The following ARHGEF3 variants were observed in gnomAD, a reference collection of about 807,000 sequenced individuals.
ARHGEF3 encodes the protein 59.8 kDA protein.
Under a neutral mutation model 63.2 loss-of-function variants are expected in ARHGEF3, and 28 were observed. The observed-to-expected ratio is 0.44, with a 90% CI of 0.33 to 0.61. The LOEUF (loss-of-function observed/expected upper bound fraction) is 0.61. Ranked by LOEUF, ARHGEF3 falls within the 20% of genes least tolerant of loss-of-function variation. ARHGEF3 has a pLI of 0.03. For missense variants in ARHGEF3, 533 were observed against 659.3 expected, an observed-to-expected ratio of 0.81 and a Z score of 2.10; for synonymous variants, 266 against 254.2, an observed-to-expected ratio of 1.05 and a Z score of -0.44.
At chr3:56,954,460 C>T (rs1699953132) in intron 3 of ARHGEF3, among the ~76,000 whole-genome samples, 1 of 152,136 alleles carries the variant, frequency 6.6e-6, no homozygotes, top group South Asian at 2.1e-4. Context: ...AGCGAGACAC[C>T]CCCCAGGGTT....
chr3:57,052,281 A>G (rs1048369526), intron 1 of ARHGEF3, among the ~76,000 whole-genome samples: 1 of 152,178 alleles, frequency 6.6e-6, no homozygotes, highest in Non-Finnish European at 1.5e-5. Flanking sequence ...GAACTCAGGC[A>G]TTCTGGCTCC....
intron 3 of ARHGEF3, among the ~76,000 whole-genome samples, chr3:56,956,523 G>A (rs1286141417): frequency 6.6e-6 from 1 of 152,156 alleles, no homozygotes; most frequent in African/African-American, 2.4e-5. Context: ...AACCAGAGTC[G>A]TGCTTAAAAA....
chr3:56,814,312 T>A (rs540190228), intron 4 of ARHGEF3, among the ~76,000 whole-genome samples: 93 of 152,342 alleles, frequency 6.1e-4, no homozygotes, highest in African/African-American at 1.9e-3. Flanking sequence ...CGATTTTTTT[T>A]AAGCTCATCA....
intron 2 of ARHGEF3, among the ~76,000 whole-genome samples, chr3:56,760,586 C>A (rs1358579167): frequency 6.6e-6 from 1 of 152,172 alleles, no homozygotes. Context: ...CTCTCTGATT[C>A]TCACAACCAC....
At position 57,060,691 on chromosome 3, in the gene ARHGEF3, G is replaced by A. The variant is rs532730639; in HGVS notation, c.-28+18535C>T. The A allele has an allele frequency of 6.6e-5, 10 of 152,402 alleles. No homozygotes were observed. The East Asian group carries it at 1.9e-3, about 29-fold the overall frequency. The allele number at this position is 152,402 out of a possible 1,614,324, so 9.4% of individuals were successfully genotyped here. Reference sequence around the variant, plus strand: ...AGTCACTGAGAAAATTCTTTGTGCAGGCTCACCTTCCCCTCATCTCCCCCA... The same window carrying A: ...AGTCACTGAGAAAATTCTTTGTGCAAGCTCACCTTCCCCTCATCTCCCCCA... On this transcript the variant is annotated intron_variant, in intron 1 of 12. Transcript: ENST00000338458.
intron 3 of ARHGEF3, among the ~76,000 whole-genome samples, chr3:56,955,141 A>G (rs937546007): frequency 6.7e-6 from 1 of 149,760 alleles, no homozygotes; most frequent in Non-Finnish European, 1.5e-5. Context: ...TTAAATTCAC[A>G]AGTGCCTAGG....
At chr3:57,072,443 T>TA (rs35145725) in intron 1 of ARHGEF3, among the ~76,000 whole-genome samples, 61,474 of 144,674 alleles carry the variant, frequency 0.42, 14,199 homozygotes, top group Middle Eastern at 0.54. Flanking sequence ...AATAAAGAAT[T>TA]AAAAAAAAAA....
At chr3:56,787,185 A>G (rs1273415168) in intron 1 of ARHGEF3, among the ~76,000 whole-genome samples, 1 of 152,132 alleles carries the variant, frequency 6.6e-6, no homozygotes, top group African/African-American at 2.4e-5. Context: ...GGAAGGGCAC[A>G]AGGATGAAGT....
chr3:56,921,690 C>T (rs1007971675), intron 3 of ARHGEF3, among the ~76,000 whole-genome samples: 4 of 152,216 alleles, frequency 2.6e-5, no homozygotes, highest in Non-Finnish European at 5.9e-5. Context: ...CTATTGGACT[C>T]AAGGTGGTTC....
intron 4 of ARHGEF3, among the ~76,000 whole-genome samples, chr3:56,858,267 G>C (rs1218371989): frequency 1.5e-5 from 2 of 129,852 alleles, no homozygotes; most frequent in African/African-American, 5.7e-5. Flanking sequence ...AAAAAAAAAA[G>C]GCTTCTTCTT....
chr3:56,964,905 C>A (rs927755223), intron 2 of ARHGEF3, among the ~76,000 whole-genome samples: 1 of 151,906 alleles, frequency 6.6e-6, no homozygotes, highest in Non-Finnish European at 1.5e-5. Context: ...ATAAAACTGG[C>A]CAAATTCAAA....
chr3:56,970,835 C>T (rs997294172), intron 2 of ARHGEF3, among the ~76,000 whole-genome samples: 1 of 152,214 alleles, frequency 6.6e-6, no homozygotes, highest in Admixed American at 6.5e-5. Context: ...AAGCTGGAGC[C>T]GGCTCTGCAA....
At chr3:56,829,553 C>T (rs185813245) in intron 4 of ARHGEF3, among the ~76,000 whole-genome samples, 2 of 152,314 alleles carry the variant, frequency 1.3e-5, no homozygotes, top group African/African-American at 4.8e-5. Context: ...CCTTCCCAAG[C>T]CTCCCTTTAA....
intron 1 of ARHGEF3, chr3:57,074,526 C>T (rs1271453632): frequency 8.3e-6 from 4 of 483,512 alleles, no homozygotes; most frequent in African/African-American, 3.9e-5. Context: ...TCTTAGCCCC[C>T]GGGGAACCTT....
At chr3:57,011,468 A>G (rs959247301) in intron 2 of ARHGEF3, among the ~76,000 whole-genome samples, 1 of 152,090 alleles carries the variant, frequency 6.6e-6, no homozygotes, top group Non-Finnish European at 1.5e-5. Flanking sequence ...TTCTTTTGTT[A>G]CAAGGGAGTG....
chr3:57,058,526 A>T (rs9873408), intron 1 of ARHGEF3, among the ~76,000 whole-genome samples: 2 of 152,102 alleles, frequency 1.3e-5, no homozygotes, highest in African/African-American at 4.8e-5. Flanking sequence ...GAAATAGGAA[A>T]ACTTTTACAC....
intron 2 of ARHGEF3, among the ~76,000 whole-genome samples, chr3:56,765,565 A>G (rs921165226): frequency 1.6e-4 from 24 of 152,162 alleles, no homozygotes; most frequent in African/African-American, 2.2e-4. Flanking sequence ...AAATCAGCAC[A>G]TATGCTTGGG....
chr3:56,941,524 T>C (rs982046960), intron 3 of ARHGEF3, among the ~76,000 whole-genome samples: 2 of 152,234 alleles, frequency 1.3e-5, no homozygotes. Context: ...ACATGTTCAA[T>C]GAAACACCCC....
chr3:57,067,097 A>G (rs1705581650), intron 1 of ARHGEF3, among the ~76,000 whole-genome samples: 1 of 152,244 alleles, frequency 6.6e-6, no homozygotes, highest in Non-Finnish European at 1.5e-5. Flanking sequence ...ATTTCAAGTC[A>G]CCAGATAAAT....
Sources: gnomAD v4.1 joint callset for allele counts (sites outside exome capture counted in the v4.1 genomes callset) on GRCh38, gnomAD v4.1.1 for gene constraint, MANE v1.5 for transcripts, NCBI Gene and HGNC (gene_info 2026-07-23, HGNC 2026-07-21) for gene names.